The following PTGER2 variants were observed in gnomAD, a reference collection of about 807,000 sequenced individuals.
PTGER2 encodes the protein prostaglandin E2 receptor EP2 subtype.
A neutral mutation model predicts 26.2 loss-of-function variants in PTGER2; 22 were observed. The ratio of observed to expected loss-of-function variants is 0.84; its 90% CI spans 0.60 to 1.20. The LOEUF (loss-of-function observed/expected upper bound fraction) is 1.20. PTGER2 is among the 50% of genes most tolerant of loss of function. The pLI is 0.00. For missense variants in PTGER2, 458 were observed against 475.2 expected, an observed-to-expected ratio of 0.96 and a Z score of 0.34; for synonymous variants, 219 against 208.9, an observed-to-expected ratio of 1.05 and a Z score of -0.42.
At chr14:52,323,423 T>G (rs1566496862) in intron 1 of PTGER2, among the ~76,000 whole-genome samples, 2 of 152,146 alleles carry the variant, frequency 1.3e-5, no homozygotes, top group Non-Finnish European at 2.9e-5. Context: ...TGGGTAATTT[T>G]TGTATTTTTT....
At chr14:52,322,151 T>C (rs1193057141) in intron 1 of PTGER2, among the ~76,000 whole-genome samples, 1 of 152,060 alleles carries the variant, frequency 6.6e-6, no homozygotes, top group Non-Finnish European at 1.5e-5. Context: ...TTTCCATAAG[T>C]GTTGGCCGGC....
chr14:52,324,289 T>C (rs952466662), intron 1 of PTGER2, among the ~76,000 whole-genome samples: 1 of 152,182 alleles, frequency 6.6e-6, no homozygotes, highest in African/African-American at 2.4e-5. Flanking sequence ...CAAGCCTTTA[T>C]TGGAGTTTCC....
intron 1 of PTGER2, among the ~76,000 whole-genome samples, chr14:52,318,228 G>A (rs1319430388): frequency 6.6e-6 from 1 of 152,150 alleles, no homozygotes; most frequent in African/African-American, 2.4e-5. Context: ...CTAACAGGGG[G>A]CTCTAGAAGC....
At chr14:52,323,543 C>T (rs537936315) in intron 1 of PTGER2, among the ~76,000 whole-genome samples, 17 of 152,234 alleles carry the variant, frequency 1.1e-4, no homozygotes, top group African/African-American at 2.4e-4. Context: ...CGTGAGCCAC[C>T]GCACCCAACC....
chr14:52,316,292 A>G (rs980840767), intron 1 of PTGER2, among the ~76,000 whole-genome samples: 2 of 152,202 alleles, frequency 1.3e-5, no homozygotes, highest in Admixed American at 1.3e-4. Flanking sequence ...TGCTGCCTTG[A>G]TTTGGGGCAA....
rs952844608 is a variant in PTGER2 at position 52,314,424 on chromosome 14, G to C, written c.-125G>C. ...CCGTCGGCGCGCTGGGTGCGGGAAG[G>C]GGGCTCTGGATTTCGGTCCCTCCCC... On this transcript the variant is annotated 5_prime_UTR_variant, in exon 1 of 2. Coordinates refer to ENST00000245457, the MANE Select transcript of PTGER2 (RefSeq NM_000956.4). The surrounding 1 kb of genome is among the most constrained non-coding windows in gnomAD (Gnocchi z 5.7). The C allele has an allele frequency of 2.6e-6, 3 of 1,153,860 alleles. No homozygotes were observed. Among genetic ancestry groups the C allele is most frequent in the Admixed American group, 6.7e-5 (2 of 29,828 alleles). The allele number at this position is 1,153,860 out of a possible 1,614,324, so 71.5% of individuals were successfully genotyped here. A position where few individuals can be genotyped will look rare whatever the true frequency, so the allele number is the denominator to read the frequency against.
In PTGER2 at chr14:52,314,871, C is replaced by T. The variant is rs1439265980; in HGVS notation, c.323C>T (p.Ala108Val). ...GTGGCACTGGCGCCCGAGAGCCGCG[C>T]GTGCACCTACTTCGCTTTCGCCATG... ...TLVALAPESR[A>V]CTYFAFAMTF... Residue 108 changes from alanine to valine, a missense_variant, in exon 1 of 2, where the codon GCG becomes GTG. Physicochemically the swap from Ala to Val is moderately conservative, Grantham distance 64. Transcript: ENST00000245457. The surrounding 1 kb of genome is among the most constrained non-coding windows in gnomAD (Gnocchi z 5.7). 6.2e-7 allele frequency: 1 copy of T among 1,613,080 alleles called. No individual in the cohort carries two copies. The highest frequency in any genetic ancestry group is 2.2e-5 in the East Asian group (1 of 44,860).
In PTGER2 at chr14:52,315,072, ATGGGCAGTACGTCCAG is replaced by A; in HGVS notation, c.526_541del (p.Gly176ThrfsTer89). ...TTCTGCTCGCTGCCGCTGCTGGACTATGGGCAGTACGTCCAGTACTGCCCCGGGACCTGGTGCTTCA... is the reference window on the plus strand; with the variant it reads ...TTCTGCTCGCTGCCGCTGCTGGACTATACTGCCCCGGGACCTGGTGCTTCA... On this transcript the variant is annotated frameshift_variant, in exon 1 of 2. Coordinates refer to ENST00000245457, the MANE Select transcript of PTGER2 (RefSeq NM_000956.4). LOFTEE classifies it high-confidence loss of function. 6.2e-7 allele frequency: 1 copy of A among 1,611,698 alleles called. No homozygotes were observed. The highest frequency in any genetic ancestry group is 8.5e-7 in the Non-Finnish European group (1 of 1,179,898).
chr14:52,325,462 G>C (rs1257762382), intron 1 of PTGER2, among the ~76,000 whole-genome samples: 1 of 152,206 alleles, frequency 6.6e-6, no homozygotes, highest in Non-Finnish European at 1.5e-5. Flanking sequence ...CATCAACTCA[G>C]CTGCAGGCCC....
chr14:52,317,018 G>T (rs1463464640), intron 1 of PTGER2, among the ~76,000 whole-genome samples: 1 of 152,156 alleles, frequency 6.6e-6, no homozygotes, highest in African/African-American at 2.4e-5. Flanking sequence ...AGCTAAATCA[G>T]CTTTTGAAGG....
At chr14:52,318,067 C>T (rs1271949736) in intron 1 of PTGER2, among the ~76,000 whole-genome samples, 1 of 152,240 alleles carries the variant, frequency 6.6e-6, no homozygotes, top group Admixed American at 6.5e-5. Context: ...TTGGTTCATA[C>T]ATTCTGCTGT....
chr14:52,316,915 A>T (rs960833057), intron 1 of PTGER2, among the ~76,000 whole-genome samples: 3 of 152,198 alleles, frequency 2.0e-5, no homozygotes, highest in Non-Finnish European at 4.4e-5. Context: ...TGAGCAGGGG[A>T]GTTTATGCAA....
At chr14:52,327,155 A>G (rs1355487609) in intron 1 of PTGER2, 66 bp from the exon 2 acceptor site, 1 of 1,166,172 alleles carries the variant, frequency 8.6e-7, no homozygotes, top group African/African-American at 1.5e-5. Context: ...GACATAACAT[A>G]GGGTCTAAGC....
At chr14:52,315,803 C>G (rs2033835361) in intron 1 of PTGER2, among the ~76,000 whole-genome samples, 1 of 152,184 alleles carries the variant, frequency 6.6e-6, no homozygotes, top group Admixed American at 6.5e-5. Flanking sequence ...CAGTTTGCTG[C>G]CCTGTACCTC....
chr14:52,323,293 A>AG (rs2033917147), intron 1 of PTGER2, among the ~76,000 whole-genome samples: 1 of 9,940 alleles, frequency 1.0e-4, no homozygotes, highest in South Asian at 8.9e-4. Context: ...TCACTCTGTC[A>AG]CCCAGGCTGA....
chr14:52,323,012 C>T lies in PTGER2; in HGVS notation c.844-4209C>T, dbSNP rs575416205. On this transcript the variant is annotated intron_variant, in intron 1 of 1. Coordinates refer to ENST00000245457, the MANE Select transcript of PTGER2 (RefSeq NM_000956.4). ...AAATATCATAGTGGTCCTGAGGTGA[C>T]GTACATCCTCAGCTTACGAAGATAA... Among the ~76,000 whole-genome samples, 457 of 152,210 alleles carry T rather than the reference C, an allele frequency of 3.0e-3. 2 individuals carry two copies. Among genetic ancestry groups the T allele is most frequent in the African/African-American group, 1.0e-2 (414 of 41,526 alleles).
In PTGER2 at chr14:52,314,431, T is replaced by C; in HGVS notation, c.-118T>C. 8.3e-7 allele frequency: 1 copy of C among 1,198,862 alleles called. No individual in the cohort carries two copies. The highest frequency in any genetic ancestry group is 1.1e-6 in the Non-Finnish European group (1 of 931,502). 74.3% of individuals were successfully genotyped at this position (1,198,862 alleles called of 1,614,324 possible). A position where few individuals can be genotyped will look rare whatever the true frequency, so the allele number is the denominator to read the frequency against. ...CGCGCTGGGTGCGGGAAGGGGGCTC[T>C]GGATTTCGGTCCCTCCCCTTTTTCC... On this transcript the variant is annotated 5_prime_UTR_variant, in exon 1 of 2. Coordinates refer to ENST00000245457, the MANE Select transcript of PTGER2 (RefSeq NM_000956.4). The surrounding 1 kb of genome is among the most constrained non-coding windows in gnomAD (Gnocchi z 5.7).
rs142520476 is a variant in PTGER2 at position 52,314,860 on chromosome 14, C to T, written c.312C>T (p.Pro104=). 1.3e-4 allele frequency: 216 copies of T among 1,613,080 alleles called. 1 individual carries two copies. The African/African-American group carries it at 2.7e-3, about 20-fold the overall frequency. The change falls in exon 1 of 2, where the codon CCC becomes CCT. Residue 104 remains proline, a synonymous_variant. Coordinates refer to ENST00000245457, the MANE Select transcript of PTGER2 (RefSeq NM_000956.4). The surrounding 1 kb of genome is among the most constrained non-coding windows in gnomAD (Gnocchi z 5.7). ...ARNQTLVALA[P]ESRACTYFAF... is the part of the protein sequence containing the mutation. The stretch of plus-strand genomic sequence containing the variant: ...ACCAGACCCTGGTGGCACTGGCGCC[C>T]GAGAGCCGCGCGTGCACCTACTTCG...
At chr14:52,315,517 T>C (rs1272352112) in intron 1 of PTGER2, 126 bp downstream of exon 1, 1 of 1,283,800 alleles carries the variant, frequency 7.8e-7, no homozygotes, top group Non-Finnish European at 1.1e-6. Context: ...TCCTAATTTG[T>C]AAAGATCTGT....
Sources: allele counts gnomAD v4.1 joint callset (sites outside exome capture counted in the v4.1 genomes callset), GRCh38; gene constraint gnomAD v4.1.1; non-coding constraint Gnocchi (gnomAD v3.1); transcripts MANE v1.5; gene names NCBI Gene and HGNC (gene_info 2026-07-23, HGNC 2026-07-21).